The following ANO3 variants were observed in gnomAD, a reference collection of about 807,000 sequenced individuals.
The protein encoded by ANO3 is anoctamin 3, also known as anoctamin-3.
In ANO3, 99 loss-of-function variants were observed where a neutral mutation model predicts 144.8. The ratio of observed to expected loss-of-function variants is 0.68; its 90% CI spans 0.58 to 0.81. The LOEUF (loss-of-function observed/expected upper bound fraction) is 0.81, where lower values mean the gene tolerates loss of function less well. ANO3 is among the 30% of genes least tolerant of loss of function. The pLI is 0.00. For missense variants in ANO3, 905 were observed against 1,202.2 expected (o/e 0.75, Z 3.66); for synonymous variants, 414 against 392.6 (o/e 1.05, Z -0.64).
chr11:26,567,561 A>G (rs1850640639), intron 14 of ANO3, among the ~76,000 whole-genome samples: 2 of 152,134 alleles, frequency 1.3e-5, no homozygotes, highest in South Asian at 4.1e-4. Flanking sequence ...AAATATATCT[A>G]TAATATATGT....
chr11:26,569,007 TG>T (rs368957069), intron 14 of ANO3, among the ~76,000 whole-genome samples: 1 of 152,098 alleles, frequency 6.6e-6, no homozygotes, highest in African/African-American at 2.4e-5. Flanking sequence ...TGGTCACCAG[TG>T]GGGGGAAAAA....
At chr11:26,427,057 T>C in intron 1 of ANO3, 1 of 166,952 alleles carries the variant, frequency 6.0e-6, no homozygotes, top group Non-Finnish European at 1.3e-5. Flanking sequence ...CTGACTTTGC[T>C]ATAGTGTTTT....
chr11:26,463,752 T>C (rs1442365699), intron 4 of ANO3, among the ~76,000 whole-genome samples: 1 of 151,878 alleles, frequency 6.6e-6, no homozygotes, highest in Non-Finnish European at 1.5e-5. Context: ...ACAAAATGCT[T>C]TCATGGACTC....
chr11:26,196,984 A>T (rs1851601369), intron 1 of ANO3, among the ~76,000 whole-genome samples: 1 of 152,220 alleles, frequency 6.6e-6, no homozygotes, highest in African/African-American at 2.4e-5. Context: ...CACTCATTAC[A>T]TTAGTACTTA....
chr11:26,332,456 A>AT (rs1855078014), intron 1 of ANO3, 135 bp downstream of exon 1: 1 of 883,662 alleles, frequency 1.1e-6, no homozygotes, highest in South Asian at 1.6e-5. Flanking sequence ...AAAAAAAAAA[A>AT]AAAATTAAAT....
intron 4 of ANO3, among the ~76,000 whole-genome samples, chr11:26,478,484 A>G (rs1201104215): frequency 6.6e-6 from 1 of 152,110 alleles, no homozygotes; most frequent in African/African-American, 2.4e-5. Flanking sequence ...GAAGCTAGCC[A>G]ATAGAATTCT....
At chr11:26,657,895 A>C (rs2133100170) in intron 26 of ANO3, among the ~76,000 whole-genome samples, 1 of 152,094 alleles carries the variant, frequency 6.6e-6, no homozygotes, top group South Asian at 2.1e-4. Flanking sequence ...GTTTGGAAAT[A>C]TTTTCCCCAT....
At chr11:26,565,114 T>C (rs1446490505) in intron 14 of ANO3, 3 of 1,475,628 alleles carry the variant, frequency 2.0e-6, no homozygotes, top group Non-Finnish European at 2.7e-6. Flanking sequence ...GCATGACTTA[T>C]TTGGAATTTC....
chr11:26,514,941 C>T (rs1248486304), intron 5 of ANO3, among the ~76,000 whole-genome samples: 1 of 151,962 alleles, frequency 6.6e-6, no homozygotes, highest in Non-Finnish European at 1.5e-5. Flanking sequence ...CTTCTCTTTT[C>T]TCTGATCAGT....
At chr11:26,381,598 G>A (rs1465330834) in intron 1 of ANO3, among the ~76,000 whole-genome samples, 1 of 152,104 alleles carries the variant, frequency 6.6e-6, no homozygotes, top group Non-Finnish European at 1.5e-5. Context: ...CTAGCATATA[G>A]TACAATACCT....
intron 1 of ANO3, among the ~76,000 whole-genome samples, chr11:26,362,859 C>T (rs1855964755): frequency 6.6e-6 from 1 of 152,156 alleles, no homozygotes; most frequent in Non-Finnish European, 1.5e-5. Flanking sequence ...AACAGTACCT[C>T]ATATAAATGT....
chr11:26,389,588 T>C (rs1373802145), intron 1 of ANO3, among the ~76,000 whole-genome samples: 1 of 152,088 alleles, frequency 6.6e-6, no homozygotes, highest in Non-Finnish European at 1.5e-5. Context: ...TACCATTCTT[T>C]AGAGACTTTA....
chr11:26,483,831 G>A (rs2134092919), intron 4 of ANO3, among the ~76,000 whole-genome samples: 1 of 152,250 alleles, frequency 6.6e-6, no homozygotes, highest in South Asian at 2.1e-4. Context: ...AGAAAGATGA[G>A]GAAGTTTGGA....
At chr11:26,343,878 T>C (rs1242153967) in intron 1 of ANO3, among the ~76,000 whole-genome samples, 1 of 152,202 alleles carries the variant, frequency 6.6e-6, no homozygotes, top group East Asian at 1.9e-4. Flanking sequence ...CAAATCTACC[T>C]CCCTCCCACT....
intron 1 of ANO3, among the ~76,000 whole-genome samples, chr11:26,234,451 G>T (rs558108308): frequency 6.6e-6 from 1 of 152,262 alleles, no homozygotes; most frequent in East Asian, 1.9e-4. Flanking sequence ...AAATACACTA[G>T]CAAGGCCACT....
At chr11:26,302,262 C>A (rs756090018) in intron 1 of ANO3, among the ~76,000 whole-genome samples, 9 of 151,962 alleles carry the variant, frequency 5.9e-5, no homozygotes, top group Non-Finnish European at 1.0e-4. Context: ...TTTGGGAGGC[C>A]GAGGCAGGTG....
At chr11:26,288,091 G>T (rs553391500) in intron 1 of ANO3, 30 of 152,728 alleles carry the variant, frequency 2.0e-4, no homozygotes, top group African/African-American at 7.0e-4. Context: ...ATTCTGAAAG[G>T]CACATAATAA....
intron 1 of ANO3, among the ~76,000 whole-genome samples, chr11:26,321,899 T>C (rs1188376690): frequency 6.6e-6 from 1 of 152,094 alleles, no homozygotes; most frequent in Non-Finnish European, 1.5e-5. Flanking sequence ...TCTTCTATCA[T>C]TGTTTAATTA....
In ANO3 at chr11:26,534,499, C is replaced by G; in HGVS notation, c.913C>G (p.Arg305Gly). The change falls in exon 9 of 27, where the codon CGA becomes GGA. Residue 305 changes from arginine to glycine, a missense_variant. Around this residue, in one of 4 missense-constraint regions of ANO3, gnomAD observed 597 missense variants for 865.1 expected, o/e 0.69. Coordinates refer to ENST00000256737, the MANE Select transcript of ANO3 (RefSeq NM_031418.4). ...AGACACCTTCTTCAGCAATGCTACT[C>G]GAAGCAGAATAGTCTATCACATGCT... ...NKDTFFSNAT[R>G]SRIVYHMLER... 7 of 1,612,776 alleles carry G rather than the reference C, an allele frequency of 4.3e-6. No homozygotes were observed. The highest frequency in any genetic ancestry group is 5.9e-6 in the Non-Finnish European group (7 of 1,179,288).
Sources: allele counts gnomAD v4.1 joint callset (sites outside exome capture counted in the v4.1 genomes callset), GRCh38; gene constraint gnomAD v4.1.1; regional missense constraint gnomAD v4.1.1; transcripts MANE v1.5; gene names NCBI Gene and HGNC (gene_info 2026-07-23, HGNC 2026-07-21).